The following ZFHX3 variants were observed in gnomAD, a reference collection of about 807,000 sequenced individuals.
ZFHX3 encodes zinc finger homeobox protein 3.
ZFHX3 carries 42 observed loss-of-function variants against 279.1 expected under a neutral mutation model. The ratio of observed to expected loss-of-function variants is 0.15; its 90% CI spans 0.12 to 0.19. The LOEUF (loss-of-function observed/expected upper bound fraction) is 0.19. Ranked by LOEUF, ZFHX3 falls within the 10% of genes least tolerant of loss-of-function variation. The pLI is 1.00. For synonymous variants in ZFHX3, 2,293 were observed against 1,957.8 expected, an observed-to-expected ratio of 1.17 and a Z score of -4.52; for missense variants, 4,981 against 4,754.0, an observed-to-expected ratio of 1.05 and a Z score of -1.40.
At chr16:72,901,946 T>C (rs990658474) in intron 3 of ZFHX3, among the ~76,000 whole-genome samples, 2 of 152,182 alleles carry the variant, frequency 1.3e-5, no homozygotes, top group African/African-American at 4.8e-5. Context: ...TAAAAGCCGA[T>C]ATTGTTCCGC....
At chr16:73,138,525 G>C (rs1257128458) in intron 6 of ZFHX3, among the ~76,000 whole-genome samples, 1 of 152,132 alleles carries the variant, frequency 6.6e-6, no homozygotes. Flanking sequence ...TCTGGTTCCA[G>C]AATATCAAGG....
intron 1 of ZFHX3, among the ~76,000 whole-genome samples, chr16:72,995,839 A>T (rs1372105307): frequency 6.6e-6 from 1 of 152,224 alleles, no homozygotes; most frequent in Non-Finnish European, 1.5e-5. Flanking sequence ...ATGAGCACAT[A>T]TGAGAACAGC....
intron 3 of ZFHX3, among the ~76,000 whole-genome samples, chr16:73,455,343 T>TTAGTGCATCA (rs1219591626): frequency 6.6e-6 from 1 of 152,176 alleles, no homozygotes; most frequent in Non-Finnish European, 1.5e-5. Flanking sequence ...ATCCAGTTCC[T>TTAGTGCATCA]TAGTGCATCA....
rs943677091 is a variant in ZFHX3, at chr16:72,960,106, T to C, written c.40A>G (p.Asn14Asp). 2 of 1,600,220 alleles carry C rather than the reference T, an allele frequency of 1.2e-6. No individual in the cohort carries two copies. Among genetic ancestry groups the C allele is most frequent in the African/African-American group, 1.3e-5 (1 of 74,314 alleles). The change falls in exon 2 of 10, where the codon AAT becomes GAT. Residue 14 changes from asparagine (N) to aspartate (D), a missense_variant. Transcript: ENST00000268489. ...TGGTGCTGAGGGATACCGCACCCAT[T>C]GTCCTTCCCCGAGACGACGGGCGAG... ...CDSPVVSGKDNGCGIPQHQQW... is the reference protein window; with the variant it reads ...CDSPVVSGKDDGCGIPQHQQW...
intron 5 of ZFHX3, among the ~76,000 whole-genome samples, chr16:72,824,089 T>A (rs2036871590): frequency 6.6e-6 from 1 of 152,170 alleles, no homozygotes; most frequent in Admixed American, 6.6e-5. Context: ...GGGCTGGTAA[T>A]AGATTTGCAC....
rs897429347 is a variant in ZFHX3 at position 73,445,813 on chromosome 16, G to T, written c.-1291+10190C>A. On this transcript the variant is annotated intron_variant, in intron 3 of 17. Transcript: ENST00000641206. ...AGCAGGTGTCCAAATGCACAGCAGG[G>T]TTAGTGTGTAAATAAAATACACCAG... 2.6e-5 allele frequency among the ~76,000 whole-genome samples: 4 copies of T among 152,170 alleles called. No homozygotes were observed. The East Asian group carries it at 7.7e-4, about 29-fold the overall frequency.
chr16:73,849,974 C>G (rs1377562049), intron 1 of ZFHX3, among the ~76,000 whole-genome samples: 1 of 152,162 alleles, frequency 6.6e-6, no homozygotes, highest in African/African-American at 2.4e-5. Context: ...CTCAGGTGAT[C>G]CACTCACTTT....
In ZFHX3 at chr16:72,794,336, A is replaced by C. The variant is rs759375939; in HGVS notation, c.8346T>G (p.Gly2782=). ...TTTTACTCACAGGTGAGAGGGGGAC[A>C]CCCTGACCATCACTACTGCTTGGGG... ...HLPPSSSDGQ[G]VPLSPVSKTM... The change falls in exon 9 of 10, where the codon GGT becomes GGG. Residue 2782 remains glycine (G), a synonymous_variant. Transcript: ENST00000268489. This position sits in a 1 kb window ranked among gnomAD's most constrained non-coding sequence, Gnocchi z 4.2. The C allele has an allele frequency of 3.1e-6, 5 of 1,604,238 alleles. No individual in the cohort carries two copies. In the Admixed American group the frequency reaches 8.4e-5, roughly 27 times the overall value.
intron 4 of ZFHX3, among the ~76,000 whole-genome samples, chr16:72,833,277 G>A (rs2037108506): frequency 6.6e-6 from 1 of 152,320 alleles, no homozygotes; most frequent in South Asian, 2.1e-4. Flanking sequence ...CTTTAGGAAT[G>A]TAGATTTGAT....
chr16:72,946,871 G>A (rs925958622), intron 3 of ZFHX3, among the ~76,000 whole-genome samples: 2 of 152,212 alleles, frequency 1.3e-5, no homozygotes, highest in African/African-American at 4.8e-5. Context: ...AAAGCAGAAG[G>A]ATGAGGAATT....
intron 8 of ZFHX3, among the ~76,000 whole-genome samples, chr16:73,071,486 G>T (rs1038324192): frequency 1.3e-5 from 2 of 152,010 alleles, no homozygotes; most frequent in East Asian, 3.9e-4. Flanking sequence ...TGCCGCCGCC[G>T]CCGCCGCCGC....
upstream of ZFHX3, among the ~76,000 whole-genome samples, chr16:73,059,945 G>A (rs970703030): frequency 2.0e-5 from 3 of 152,028 alleles, no homozygotes; most frequent in Non-Finnish European, 4.4e-5. Flanking sequence ...GATAACTTCA[G>A]GAAAGACAAG....
intron 1 of ZFHX3, among the ~76,000 whole-genome samples, chr16:73,700,396 G>A (rs2053235985): frequency 6.6e-6 from 1 of 152,252 alleles, no homozygotes; most frequent in Admixed American, 6.5e-5. Context: ...TGCAAGACAC[G>A]ATGATCTTTC....
chr16:73,057,434 T>C (rs1965580418), intron 1 of ZFHX3, among the ~76,000 whole-genome samples: 1 of 150,782 alleles, frequency 6.6e-6, no homozygotes, highest in Non-Finnish European at 1.5e-5. Flanking sequence ...GACATTAAAA[T>C]GCATAATGTA....
At chr16:73,837,620 A>ATTTTCTTTTCTTTTC (rs71727423) in intron 1 of ZFHX3, among the ~76,000 whole-genome samples, 1 of 150,702 alleles carries the variant, frequency 6.6e-6, no homozygotes, top group South Asian at 2.1e-4. Context: ...CATTGCTGCT[A>ATTTTCTTTTCTTTTC]TTTTCTTTTC....
chr16:73,128,777 A>C (rs1272083863), intron 7 of ZFHX3, among the ~76,000 whole-genome samples: 1 of 152,198 alleles, frequency 6.6e-6, no homozygotes, highest in East Asian at 1.9e-4. Context: ...TTGTTTCTGA[A>C]AGTCCAGATC....
rs16972498 is a variant in ZFHX3 at position 73,757,814 on chromosome 16, A to T, written c.-1607-77574T>A. Among the ~76,000 whole-genome samples the T allele has an allele frequency of 5.4e-3, 829 of 152,272 alleles. 11 individuals carry two copies. The highest frequency in any genetic ancestry group is 0.019 in the African/African-American group (801 of 41,540). On this transcript the variant is annotated intron_variant, in intron 1 of 17. Transcript: ENST00000641206. ...TCTCAAGGTGGATGTGACAACCTTTATCCGCTCTCCTGTGTCCAAGAAGCC... is the reference window on the plus strand; with the variant it reads ...TCTCAAGGTGGATGTGACAACCTTTTTCCGCTCTCCTGTGTCCAAGAAGCC...
intron 7 of ZFHX3, among the ~76,000 whole-genome samples, chr16:72,800,696 C>T (rs1349473705): frequency 6.6e-6 from 1 of 152,140 alleles, no homozygotes; most frequent in African/African-American, 2.4e-5. Context: ...AGGAAAACAA[C>T]ATTTGTAACC....
At chr16:73,820,220 G>C (rs1406011573) in intron 1 of ZFHX3, among the ~76,000 whole-genome samples, 1 of 152,022 alleles carries the variant, frequency 6.6e-6, no homozygotes, top group African/African-American at 2.4e-5. Flanking sequence ...CTCCCGAGTA[G>C]CTGGGACTAC....
Sources: allele counts gnomAD v4.1 joint callset (sites outside exome capture counted in the v4.1 genomes callset), GRCh38; gene constraint gnomAD v4.1.1; non-coding constraint Gnocchi (gnomAD v3.1); transcripts MANE v1.5; gene names NCBI Gene and HGNC (gene_info 2026-07-23, HGNC 2026-07-21).